MYO5C: variants seen among roughly 807,000 people sequenced by gnomAD.
MYO5C encodes myosin VC.
In MYO5C, 194 loss-of-function variants were observed where a neutral mutation model predicts 235.7. The observed-to-expected ratio is 0.82, with a 90% confidence interval of 0.73 to 0.93. MYO5C has a LOEUF of 0.93. Ranked by LOEUF, MYO5C falls within the 40% of genes least tolerant of loss-of-function variation. The pLI is 0.00. For synonymous variants in MYO5C, 707 were observed against 754.8 expected (o/e 0.94, Z 1.04); for missense variants, 2,038 against 2,127.2 (o/e 0.96, Z 0.82).
intron 1 of MYO5C, among the ~76,000 whole-genome samples, chr15:52,284,224 C>A: frequency 6.6e-6 from 1 of 151,286 alleles, no homozygotes; most frequent in Non-Finnish European, 1.5e-5. Context: ...AAAAAAAACA[C>A]CTGCAGAATA....
chr15:52,208,546 C>T lies in MYO5C; in HGVS notation c.4386+8G>A. 1 of 1,613,246 alleles carries T rather than the reference C, an allele frequency of 6.2e-7. No homozygotes were observed. The highest frequency in any genetic ancestry group is 1.1e-5 in the South Asian group (1 of 90,990). On this transcript the variant is annotated splice_region_variant and intron_variant, in intron 36 of 40. Coordinates refer to ENST00000261839, the MANE Select transcript of MYO5C (RefSeq NM_018728.4). ...GCACAAAACAACAAGCAGGTGGGCGCCCCCTACCTCTTCTCCGCTGTACTG... is the reference window on the plus strand; with the variant it reads ...GCACAAAACAACAAGCAGGTGGGCGTCCCCTACCTCTTCTCCGCTGTACTG...
intron 11 of MYO5C, among the ~76,000 whole-genome samples, chr15:52,255,853 C>T (rs1240846663): frequency 6.6e-6 from 1 of 152,086 alleles, no homozygotes; most frequent in Non-Finnish European, 1.5e-5. Context: ...CACTCAAAAA[C>T]GTCTTTTGAA....
At chr15:52,285,400 T>G (rs1448495520) in intron 1 of MYO5C, among the ~76,000 whole-genome samples, 3 of 130,618 alleles carry the variant, frequency 2.3e-5, no homozygotes, top group Non-Finnish European at 4.9e-5. Context: ...GCTCTCGCTC[T>G]CCCTCTCCCT....
At chr15:52,242,254 A>G (rs1467370548) in intron 19 of MYO5C, 41 bp from the exon 20 acceptor site, 20 of 1,574,340 alleles carry the variant, frequency 1.3e-5, no homozygotes, top group Non-Finnish European at 1.6e-5. Flanking sequence ...TTACCCACAG[A>G]GCATCAACTT....
At chr15:52,281,824 GTGTGTCC>G (rs2037167495) in intron 2 of MYO5C, among the ~76,000 whole-genome samples, 2 of 152,202 alleles carry the variant, frequency 1.3e-5, no homozygotes, top group African/African-American at 4.8e-5. Context: ...ATTAGAAGTA[GTGTGTCC>G]TGTGTCTGCA....
At chr15:52,290,210 C>T (rs2037357430) in intron 1 of MYO5C, among the ~76,000 whole-genome samples, 1 of 152,164 alleles carries the variant, frequency 6.6e-6, no homozygotes, top group Non-Finnish European at 1.5e-5. Flanking sequence ...ACTCCATAAA[C>T]AACTTTTGAA....
chr15:52,249,751 T>C lies in MYO5C; in HGVS notation c.1663-968A>G, dbSNP rs375832818. Among the ~76,000 whole-genome samples the C allele has an allele frequency of 8.5e-5, 13 of 152,314 alleles. No individual in the cohort carries two copies. In the East Asian group the frequency reaches 1.9e-3, roughly 23 times the overall value. On this transcript the variant is annotated intron_variant, in intron 13 of 40. Transcript: ENST00000261839. ...AGAGCTTTCCTGGTCTGGGCGAGCA[T>C]CTGTGGGGACAGTGTCACATGCAGC...
chr15:52,278,760 G>A, intron 4 of MYO5C, 113 bp downstream of exon 4: 1 of 1,284,030 alleles, frequency 7.8e-7, no homozygotes, highest in African/African-American at 1.5e-5. Flanking sequence ...CACCACCTCT[G>A]GCCTATCTCT....
chr15:52,224,120 T>C (rs951053293), intron 28 of MYO5C, among the ~76,000 whole-genome samples: 1 of 152,096 alleles, frequency 6.6e-6, no homozygotes, highest in East Asian at 1.9e-4. Flanking sequence ...CCGTCTCTAC[T>C]AAAAATACAA....
intron 36 of MYO5C, among the ~76,000 whole-genome samples, chr15:52,206,350 G>A (rs897636057): frequency 6.6e-6 from 1 of 152,188 alleles, no homozygotes; most frequent in Non-Finnish European, 1.5e-5. Flanking sequence ...ATAATTTACA[G>A]GGTACAAAGT....
Position 52,232,224 on chromosome 15 carries a change from A to AGGAG in MYO5C, c.3026+397_3026+398insCTCC, listed in dbSNP as rs2035971958. Among the ~76,000 whole-genome samples, 8 of 42,474 alleles carry AGGAG rather than the reference A, an allele frequency of 1.9e-4. 2 individuals are homozygous for AGGAG. The highest frequency in any genetic ancestry group is 1.2e-3 in the Admixed American group (5 of 4,066). The allele number at this position is 42,474 out of a possible 152,430, so 27.9% of individuals were successfully genotyped here. On this transcript the variant is annotated intron_variant, in intron 24 of 40. Coordinates refer to ENST00000261839, the MANE Select transcript of MYO5C (RefSeq NM_018728.4). The stretch of plus-strand genomic sequence containing the variant: ...GAAGGAAGGAAAAGAAAGAAAATGA[A>AGGAG]AGAAAGAAGAAAGAAAGAAGGAAGG...
In MYO5C at chr15:52,256,620, A is replaced by C; in HGVS notation, c.1395+19T>G. The C allele has an allele frequency of 6.4e-7, 1 of 1,555,206 alleles. No homozygotes were observed. The highest frequency in any genetic ancestry group is 1.1e-5 in the South Asian group (1 of 89,514). On this transcript the variant is annotated intron_variant, in intron 11 of 40. Transcript: ENST00000261839. ...GCGCGCGGCTGAGAACTAGTCAAGA[A>C]GGCAGAAAGGTCACCTACCATGTTA...
At chr15:52,213,416 A>G in intron 33 of MYO5C, 130 bp from the exon 34 acceptor site, 1 of 654,754 alleles carries the variant, frequency 1.5e-6, no homozygotes, top group South Asian at 1.7e-5. Context: ...ATACATTAAA[A>G]CTGTACTGTA....
Position 52,267,073 on chromosome 15 carries a change from G to A in MYO5C, c.940+2680C>T, listed in dbSNP as rs888162171. Among the ~76,000 whole-genome samples the A allele has an allele frequency of 9.8e-5, 15 of 152,330 alleles. 1 individual carries two copies. Among genetic ancestry groups the A allele is most frequent in the Admixed American group, 3.3e-4 (5 of 15,300 alleles). ...GGCCCTGAGAGTGAGTGCCTCTCTC[G>A]TCTCGTCCCAGTCTTGGCCCTGGGA... On this transcript the variant is annotated intron_variant, in intron 8 of 40. Coordinates refer to ENST00000261839, the MANE Select transcript of MYO5C (RefSeq NM_018728.4).
chr15:52,284,844 T>C (rs1465025123), intron 1 of MYO5C, among the ~76,000 whole-genome samples: 4 of 135,118 alleles, frequency 3.0e-5, no homozygotes, highest in Non-Finnish European at 6.1e-5. Context: ...TCTTTCTTTT[T>C]TTTTTTTTTT....
chr15:52,292,358 C>T (rs1021831064), intron 1 of MYO5C, among the ~76,000 whole-genome samples: 13 of 152,196 alleles, frequency 8.5e-5, no homozygotes, highest in East Asian at 1.9e-4. Flanking sequence ...ATAATAAAGG[C>T]GGTTGAACCA....
chr15:52,235,646 G>A (rs766762566), intron 23 of MYO5C, 24 bp downstream of exon 23: 5 of 1,566,474 alleles, frequency 3.2e-6, no homozygotes, highest in East Asian at 4.5e-5. Flanking sequence ...GTGAATGTCT[G>A]GATTTGTGCC....
At chr15:52,221,084 G>T in intron 30 of MYO5C, 78 bp downstream of exon 30, 3 of 1,156,992 alleles carry the variant, frequency 2.6e-6, no homozygotes, top group Non-Finnish European at 3.8e-6. Context: ...AAAGCCCTGA[G>T]TACAAGGACA....
At position 52,193,760 on chromosome 15, in the gene MYO5C, G is replaced by C. The variant is rs2034986235; in HGVS notation, c.*142C>G. The C allele has an allele frequency of 1.3e-6, 1 of 799,606 alleles. No individual in the cohort carries two copies. Among genetic ancestry groups the C allele is most frequent in the African/African-American group, 1.8e-5 (1 of 56,950 alleles). The allele number at this position is 799,606 out of a possible 1,614,324, so 49.5% of individuals were successfully genotyped here. ...GGAGCAGCATTGTCACTGTGAGTGA[G>C]AGATGATGTGGTCCATTTGAGAAAA... is the stretch of plus-strand genomic sequence containing the variant. On this transcript the variant is annotated 3_prime_UTR_variant, in exon 41 of 41. Coordinates refer to ENST00000261839, the MANE Select transcript of MYO5C (RefSeq NM_018728.4).
Sources: gnomAD v4.1 joint callset for allele counts (sites outside exome capture counted in the v4.1 genomes callset) on GRCh38, gnomAD v4.1.1 for gene constraint, MANE v1.5 for transcripts, NCBI Gene and HGNC (gene_info 2026-07-23, HGNC 2026-07-21) for gene names.